AFF1: variants seen among roughly 807,000 people sequenced by gnomAD.
AFF1 encodes AF4/FMR2 family member 1.
AFF1 carries 48 observed loss-of-function variants against 121.7 expected under a neutral mutation model. The observed-to-expected ratio is 0.39, with a 90% confidence interval of 0.31 to 0.50. The LOEUF (loss-of-function observed/expected upper bound fraction) is 0.50. AFF1 is among the 20% of genes least tolerant of loss of function. The pLI, the probability that AFF1 is intolerant of heterozygous loss-of-function variation, is 0.76. For synonymous variants in AFF1, 613 were observed against 563.0 expected, an observed-to-expected ratio of 1.09 and a Z score of -1.26; for missense variants, 1,523 against 1,511.7, an observed-to-expected ratio of 1.01 and a Z score of -0.12.
chr4:86,964,119 GT>G (rs1722357949), intron 2 of AFF1, among the ~76,000 whole-genome samples: 1 of 140,812 alleles, frequency 7.1e-6, no homozygotes, highest in South Asian at 2.2e-4. Flanking sequence ...TGCCTGGGTT[GT>G]TCTTTTGGTT....
At chr4:86,980,214 A>G (rs758223616) in intron 2 of AFF1, among the ~76,000 whole-genome samples, 1 of 152,168 alleles carries the variant, frequency 6.6e-6, no homozygotes, top group African/African-American at 2.4e-5. Flanking sequence ...CCTGGCCCCT[A>G]GGAATCTAAC....
intron 2 of AFF1, among the ~76,000 whole-genome samples, chr4:87,006,118 GATTTAGTAATACAAT>G (rs1196900405): frequency 1.3e-5 from 2 of 152,178 alleles, no homozygotes; most frequent in African/African-American, 4.8e-5. Context: ...ATTTCACGAC[GATTTAGTAATACAAT>G]CTGGACTATC....
intron 4 of AFF1, chr4:87,047,974 C>T (rs1730893343): frequency 4.0e-6 from 1 of 252,790 alleles, no homozygotes; most frequent in East Asian, 9.5e-5. Flanking sequence ...TTTCAGGTGT[C>T]TTATTTATTG....
chr4:87,066,928 A>C (rs183108886), intron 4 of AFF1, among the ~76,000 whole-genome samples: 2 of 152,268 alleles, frequency 1.3e-5, no homozygotes, highest in East Asian at 3.9e-4. Flanking sequence ...CATACTGCAG[A>C]CACAAAGGTC....
Position 87,127,067 on chromosome 4 carries a change from T to C in AFF1, c.2853T>C (p.Ser951=). The C allele has an allele frequency of 6.2e-7, 1 of 1,614,092 alleles. No individual in the cohort carries two copies. The highest frequency in any genetic ancestry group is 8.5e-7 in the Non-Finnish European group (1 of 1,179,990). ...GDTANPFPVP[S]LPNGNSKPGK... Reference sequence around the variant, plus strand: ...CTGCAAATCCTTTTCCAGTGCCTTCTTTGCCAAATGGTAACTCTAAACCAG... The same window carrying C: ...CTGCAAATCCTTTTCCAGTGCCTTCCTTGCCAAATGGTAACTCTAAACCAG... The change falls in exon 15 of 21, where the codon TCT becomes TCC. Residue 951 remains serine, a synonymous_variant. Coordinates refer to ENST00000395146, the MANE Select transcript of AFF1 (RefSeq NM_001166693.3).
chr4:87,070,067 G>A (rs1721867778), intron 4 of AFF1, among the ~76,000 whole-genome samples: 2 of 151,876 alleles, frequency 1.3e-5, no homozygotes, highest in South Asian at 4.1e-4. Context: ...GCAGTGGCAG[G>A]ATCTCAGCTC....
chr4:87,016,983 A>C (rs546762263), intron 2 of AFF1, among the ~76,000 whole-genome samples: 5 of 152,184 alleles, frequency 3.3e-5, no homozygotes, highest in African/African-American at 1.2e-4. Flanking sequence ...CTGTTAATAG[A>C]TGTGATGGAC....
chr4:86,942,769 A>C (rs1720560209), intron 1 of AFF1, among the ~76,000 whole-genome samples: 1 of 152,008 alleles, frequency 6.6e-6, no homozygotes, highest in Non-Finnish European at 1.5e-5. Context: ...TATGAATGAG[A>C]TCTCTCGTTC....
At chr4:86,941,535 G>A (rs944360522) in intron 1 of AFF1, among the ~76,000 whole-genome samples, 1 of 152,176 alleles carries the variant, frequency 6.6e-6, no homozygotes, top group East Asian at 1.9e-4. Context: ...GCACATGCCT[G>A]TAATCCTAGC....
chr4:87,111,268 C>T lies in AFF1; in HGVS notation c.1533+2953C>T, dbSNP rs553427441. 7.0e-3 allele frequency among the ~76,000 whole-genome samples: 200 copies of T among 28,766 alleles called. 74 individuals are homozygous for T. In the East Asian group the frequency reaches 0.16, roughly 24 times the overall value. 18.9% of individuals were successfully genotyped at this position (28,766 alleles called of 152,430 possible). On this transcript the variant is annotated intron_variant, in intron 11 of 20. Coordinates refer to ENST00000395146, the MANE Select transcript of AFF1 (RefSeq NM_001166693.3). The stretch of plus-strand genomic sequence containing the variant: ...TCCTGACCTCGTGATCCGCCCGCCT[C>T]GGCCTCCCAAAGTGCTGGGATTACA...
chr4:86,963,614 G>A (rs12651081), intron 2 of AFF1, among the ~76,000 whole-genome samples: 69,590 of 151,966 alleles, frequency 0.46, 19,264 homozygotes, highest in South Asian at 0.62. Context: ...TTATAGGGTA[G>A]GTCAGGCAGA....
intron 2 of AFF1, among the ~76,000 whole-genome samples, chr4:87,045,606 C>A (rs1272003405): frequency 1.3e-5 from 2 of 151,972 alleles, no homozygotes; most frequent in African/African-American, 4.8e-5. Flanking sequence ...AAATAAAAAT[C>A]ATTTTTTGTG....
chr4:87,016,411 C>T (rs1248619968), intron 2 of AFF1, among the ~76,000 whole-genome samples: 4 of 151,636 alleles, frequency 2.6e-5, no homozygotes, highest in East Asian at 3.9e-4. Context: ...ATTAGCCAGA[C>T]GTGGTGGCGG....
intron 4 of AFF1, among the ~76,000 whole-genome samples, chr4:87,064,466 G>A (rs2149661419): frequency 6.6e-6 from 1 of 152,328 alleles, no homozygotes; most frequent in South Asian, 2.1e-4. Flanking sequence ...TGGAGGCCAG[G>A]CACAGTGGCT....
intron 1 of AFF1, among the ~76,000 whole-genome samples, chr4:86,944,278 AC>A (rs1720683579): frequency 6.6e-6 from 1 of 152,142 alleles, no homozygotes; most frequent in African/African-American, 2.4e-5. Context: ...TTGTGCTAAA[AC>A]TTTTACAAAC....
intron 1 of AFF1, 30 bp downstream of exon 1, chr4:86,935,270 G>A (rs977500933): frequency 3.3e-5 from 5 of 152,474 alleles, no homozygotes; most frequent in East Asian, 1.9e-4. Context: ...ACCCAGGGCT[G>A]GGGGTCGATC....
intron 2 of AFF1, among the ~76,000 whole-genome samples, chr4:86,979,102 CTT>C (rs971443127): frequency 2.6e-5 from 4 of 151,876 alleles, no homozygotes; most frequent in African/African-American, 7.3e-5. Context: ...CTCTGCCTCT[CTT>C]TTTATTTTTT....
chr4:87,039,128 T>G, intron 2 of AFF1, among the ~76,000 whole-genome samples: 1 of 152,250 alleles, frequency 6.6e-6, no homozygotes, highest in Non-Finnish European at 1.5e-5. Flanking sequence ...GCCCCACGTC[T>G]CATGCCCAAC....
In AFF1 at chr4:87,115,609, C is replaced by CTT. The variant is rs71660115; in HGVS notation, c.2466+325_2466+326dup. 1.3e-3 allele frequency among the ~76,000 whole-genome samples: 52 copies of CTT among 40,656 alleles called. 5 individuals are homozygous for CTT. Among genetic ancestry groups the CTT allele is most frequent in the African/African-American group, 3.3e-3 (41 of 12,386 alleles). 26.7% of individuals were successfully genotyped at this position (40,656 alleles called of 152,430 possible). A position where few individuals can be genotyped will look rare whatever the true frequency, so the allele number is the denominator to read the frequency against. ...ATCTAGGGCCGCCCCCAACCCACCT[C>CTT]TTTTTTTTTTTTTTTTCCAAAGACA... On this transcript the variant is annotated intron_variant, in intron 12 of 20. Transcript: ENST00000395146.
Sources: gnomAD v4.1 joint callset for allele counts (sites outside exome capture counted in the v4.1 genomes callset) on GRCh38, gnomAD v4.1.1 for gene constraint, MANE v1.5 for transcripts, NCBI Gene and HGNC (gene_info 2026-07-23, HGNC 2026-07-21) for gene names.